PTPRM: variants seen among roughly 807,000 people sequenced by gnomAD.
The protein encoded by PTPRM is protein tyrosine phosphatase receptor type M.
PTPRM carries 47 observed loss-of-function variants against 186.7 expected under a neutral mutation model. The observed-to-expected ratio is 0.25, with a 90% confidence interval of 0.20 to 0.32. The LOEUF (loss-of-function observed/expected upper bound fraction) is 0.32. PTPRM is among the 10% of genes least tolerant of loss of function. PTPRM has a pLI of 1.00. For synonymous variants in PTPRM, 668 were observed against 674.9 expected, an observed-to-expected ratio of 0.99 and a Z score of 0.16; for missense variants, 1,494 against 1,865.0, an observed-to-expected ratio of 0.80 and a Z score of 3.66.
chr18:8,326,727 G>A (rs770206924), intron 22 of PTPRM, among the ~76,000 whole-genome samples: 3 of 152,112 alleles, frequency 2.0e-5, no homozygotes, highest in Non-Finnish European at 4.4e-5. Flanking sequence ...AAATGGTGCT[G>A]GGATAACTGG....
intron 5 of PTPRM, among the ~76,000 whole-genome samples, chr18:7,941,468 A>G (rs1568044812): frequency 6.6e-6 from 1 of 152,262 alleles, no homozygotes; most frequent in Non-Finnish European, 1.5e-5. Context: ...CTGATTTTAC[A>G]GGGAAGCATC....
rs111496419 is a variant in PTPRM, at chr18:7,966,888, C to G, written c.1132+11474C>G. ...GCAGCGAGGCTGGGGGAGGGGCGCC[C>G]ACCATTGCCCAGGCTTGCTGAGGTA... On this transcript the variant is annotated intron_variant, in intron 7 of 32. Transcript: ENST00000580170. 2.4e-5 allele frequency among the ~76,000 whole-genome samples: 3 copies of G among 126,918 alleles called. 1 individual carries two copies. The highest frequency in any genetic ancestry group is 5.7e-5 in the Non-Finnish European group (3 of 53,050). 83.3% of individuals were successfully genotyped at this position (126,918 alleles called of 152,430 possible). A position where few individuals can be genotyped will look rare whatever the true frequency, so the allele number is the denominator to read the frequency against.
chr18:8,296,651 G>A (rs940346817), intron 20 of PTPRM, among the ~76,000 whole-genome samples, 196 bp downstream of exon 20: 4 of 152,144 alleles, frequency 2.6e-5, no homozygotes, highest in African/African-American at 9.7e-5. Context: ...GTTGTCGTGG[G>A]CCCTGTTTTC....
At chr18:8,289,517 T>C (rs2095005126) in intron 19 of PTPRM, among the ~76,000 whole-genome samples, 1 of 76,856 alleles carries the variant, frequency 1.3e-5, no homozygotes, top group South Asian at 3.8e-4. Context: ...TGTGTATGTA[T>C]ATATATACAT....
At chr18:7,761,528 A>G (rs142290358) in intron 1 of PTPRM, among the ~76,000 whole-genome samples, 2 of 152,236 alleles carry the variant, frequency 1.3e-5, no homozygotes, top group African/African-American at 2.4e-5. Flanking sequence ...ATAACAGGCC[A>G]TTGATATCTT....
At chr18:7,693,580 C>T (rs553525238) in intron 1 of PTPRM, among the ~76,000 whole-genome samples, 1 of 152,272 alleles carries the variant, frequency 6.6e-6, no homozygotes, top group East Asian at 1.9e-4. Context: ...GTATTGACTA[C>T]CTACCATGTG....
intron 1 of PTPRM, among the ~76,000 whole-genome samples, chr18:7,595,870 A>G (rs936791339): frequency 6.6e-6 from 1 of 152,182 alleles, no homozygotes; most frequent in African/African-American, 2.4e-5. Context: ...CCCTAGATAT[A>G]TTAGTGGATC....
chr18:7,927,548 C>T (rs530335860), intron 5 of PTPRM, among the ~76,000 whole-genome samples: 1 of 151,800 alleles, frequency 6.6e-6, no homozygotes, highest in South Asian at 2.1e-4. Flanking sequence ...GGGTTTTAAC[C>T]CTTCTGTGTA....
At chr18:8,030,072 C>T (rs529481779) in intron 7 of PTPRM, among the ~76,000 whole-genome samples, 84 of 152,310 alleles carry the variant, frequency 5.5e-4, no homozygotes, top group African/African-American at 1.9e-3. Context: ...CTTTAAAAAG[C>T]GCACACAAGT....
At chr18:8,153,982 A>G (rs887520311) in intron 14 of PTPRM, among the ~76,000 whole-genome samples, 5 of 152,220 alleles carry the variant, frequency 3.3e-5, no homozygotes, top group African/African-American at 9.6e-5. Flanking sequence ...GGTAGTAGCC[A>G]CTGGTGACAC....
rs202158284 is a variant in PTPRM, at chr18:7,955,205, A to G, written c.923A>G (p.Asn308Ser). 1.1e-5 allele frequency: 17 copies of G among 1,614,166 alleles called. No individual in the cohort carries two copies. In the Admixed American group the frequency reaches 1.3e-4, roughly 13 times the overall value. Residue 308 changes from asparagine to serine, a missense_variant, in exon 7 of 33, where the codon AAT (asparagine) becomes AGT (serine). By Grantham distance (46) the Asn-to-Ser change is conservative. This residue lies in a region of PTPRM where 91 missense variants were observed against 169.3 expected (regional missense o/e 0.54). Coordinates refer to ENST00000580170, the MANE Select transcript of PTPRM (RefSeq NM_001105244.2). ...LWIQLNANSI[N>S]GDGPIVAREV... ...ATACAGCTCAACGCCAACTCCATCAATGGGGATGGGCCCATTGTGGCCCGA... is the reference window on the plus strand; with the variant it reads ...ATACAGCTCAACGCCAACTCCATCAGTGGGGATGGGCCCATTGTGGCCCGA...
intron 32 of PTPRM, among the ~76,000 whole-genome samples, chr18:8,400,362 T>C (rs370446018): frequency 1.7e-3 from 266 of 152,328 alleles, no homozygotes; most frequent in African/African-American, 6.1e-3. Flanking sequence ...AAGAACCATG[T>C]CTGCTCTAGA....
intron 23 of PTPRM, 39 bp from the exon 24 acceptor site, chr18:8,370,851 C>A (rs750482196): frequency 3.6e-6 from 5 of 1,376,280 alleles, no homozygotes; most frequent in Middle Eastern, 1.9e-4. Flanking sequence ...CCAAAAAAAC[C>A]AAACTGTAAA....
In PTPRM at chr18:7,830,941, A is replaced by G. The variant is rs186492214; in HGVS notation, c.196+56670A>G. On this transcript the variant is annotated intron_variant, in intron 2 of 32. Transcript: ENST00000580170. ...ATTTTGGTTGTTTTTGGTGTAGGATATGGAGTTTGTCTTGAATTGCTTATC... is the reference window on the plus strand; with the variant it reads ...ATTTTGGTTGTTTTTGGTGTAGGATGTGGAGTTTGTCTTGAATTGCTTATC... Among the ~76,000 whole-genome samples, 186 of 152,308 alleles carry G rather than the reference A, an allele frequency of 1.2e-3. 1 individual carries two copies. The Middle Eastern group carries it at 0.037, about 31-fold the overall frequency.
intron 1 of PTPRM, among the ~76,000 whole-genome samples, chr18:7,589,821 G>A (rs1475422618): frequency 6.6e-6 from 1 of 152,168 alleles, no homozygotes; most frequent in East Asian, 1.9e-4. Flanking sequence ...TTCCCATGCT[G>A]TAAGTAAATG....
intron 1 of PTPRM, among the ~76,000 whole-genome samples, chr18:7,659,497 C>A (rs141794176): frequency 4.6e-5 from 7 of 152,288 alleles, no homozygotes; most frequent in African/African-American, 1.4e-4. Context: ...ACCTGTGTCT[C>A]CTTTCCTGAA....
At chr18:8,291,980 C>T (rs913443138) in intron 19 of PTPRM, among the ~76,000 whole-genome samples, 1 of 152,116 alleles carries the variant, frequency 6.6e-6, no homozygotes, top group Non-Finnish European at 1.5e-5. Flanking sequence ...GTGGCAGTCC[C>T]GGCTGCAAAC....
chr18:7,972,933 A>T (rs1012816239), intron 7 of PTPRM, among the ~76,000 whole-genome samples: 5 of 152,104 alleles, frequency 3.3e-5, no homozygotes, highest in Admixed American at 6.6e-5. Context: ...ACTAATTCTA[A>T]CAAATAGGAT....
chr18:7,960,667 A>G (rs992041567), intron 7 of PTPRM, among the ~76,000 whole-genome samples: 4 of 151,948 alleles, frequency 2.6e-5, no homozygotes, highest in Non-Finnish European at 4.4e-5. Context: ...CTGAGATAGG[A>G]GGATAACTTG....
Sources: allele counts gnomAD v4.1 joint callset (sites outside exome capture counted in the v4.1 genomes callset), GRCh38; gene constraint gnomAD v4.1.1; regional missense constraint gnomAD v4.1.1; transcripts MANE v1.5; gene names NCBI Gene and HGNC (gene_info 2026-07-23, HGNC 2026-07-21).